The following CHAF1A variants were observed in gnomAD, a reference collection of about 807,000 sequenced individuals.
CHAF1A encodes the protein CAF-1 subunit A.
A neutral mutation model predicts 93.2 loss-of-function variants in CHAF1A; 5 were observed. The ratio of observed to expected loss-of-function variants is 0.05; its 90% confidence interval spans 0.03 to 0.11. The LOEUF (loss-of-function observed/expected upper bound fraction) is 0.11. Ranked by LOEUF, CHAF1A falls within the 10% of genes least tolerant of loss-of-function variation. CHAF1A has a pLI of 1.00. For synonymous variants in CHAF1A, 504 were observed against 510.3 expected, an observed-to-expected ratio of 0.99 and a Z score of 0.17; for missense variants, 1,102 against 1,259.9, an observed-to-expected ratio of 0.87 and a Z score of 1.90.
downstream of CHAF1A, chr19:4,446,321 A>G: frequency 1.9e-6 from 3 of 1,574,890 alleles, no homozygotes; most frequent in Non-Finnish European, 2.6e-6. Flanking sequence ...CACGCGCAGC[A>G]GCGTGTAGTT....
intron 13 of CHAF1A, among the ~76,000 whole-genome samples, chr19:4,441,017 C>T (rs1250106406): frequency 6.9e-6 from 1 of 144,998 alleles, no homozygotes; most frequent in African/African-American, 2.6e-5. Flanking sequence ...AAAAAAAAGG[C>T]ACAGCAAAAA....
At position 4,442,974 on chromosome 19, in the gene CHAF1A, G is replaced by T; in HGVS notation, c.2820G>T (p.Gly940=). ...CTTCCGGAGCTGGGGGTGGTGTGGG[G>T]GTGGACACCGGCAAGGCCACCCTGA... The part of the protein sequence containing the change: ...GAASGAGGGV[G]VDTGKATLTA... Residue 940 remains glycine (G), a synonymous_variant, in exon 15 of 15, where the codon GGG becomes GGT. Transcript: ENST00000301280. 1 of 1,604,818 alleles carries T rather than the reference G, an allele frequency of 6.2e-7. No homozygotes were observed. The highest frequency in any genetic ancestry group is 1.7e-4 in the Middle Eastern group (1 of 5,964).
chr19:4,446,533 G>A, downstream of CHAF1A: 2 of 1,611,914 alleles, frequency 1.2e-6, no homozygotes. Flanking sequence ...CTCCTCTGCT[G>A]TGAGGTTGAA....
At chr19:4,418,650 C>T (rs575510754) in intron 4 of CHAF1A, among the ~76,000 whole-genome samples, 6 of 152,122 alleles carry the variant, frequency 3.9e-5, no homozygotes, top group African/African-American at 7.2e-5. Flanking sequence ...CTCCTGACCT[C>T]GTGATCCGCC....
chr19:4,414,548 T>G (rs1973864623), intron 3 of CHAF1A, among the ~76,000 whole-genome samples: 1 of 152,226 alleles, frequency 6.6e-6, no homozygotes, highest in African/African-American at 2.4e-5. Context: ...AGTATCATTT[T>G]GTTTCCTTGT....
chr19:4,442,637 G>A (rs188870296), intron 14 of CHAF1A, among the ~76,000 whole-genome samples: 104 of 152,372 alleles, frequency 6.8e-4, no homozygotes, highest in African/African-American at 2.4e-3. Context: ...GGGAGGGCCA[G>A]GTGGATTTCT....
At chr19:4,409,837 A>G in intron 3 of CHAF1A, 78 bp downstream of exon 3, 1 of 1,504,180 alleles carries the variant, frequency 6.6e-7, no homozygotes, top group Non-Finnish European at 8.9e-7. Context: ...TGGGTCACCC[A>G]GGTGTTTTGT....
Position 4,422,473 on chromosome 19 carries a change from C to T in CHAF1A, c.1018-93C>T, listed in dbSNP as rs1354170014. On this transcript the variant is annotated intron_variant, in intron 4 of 14. Transcript: ENST00000301280. The surrounding 1 kb of genome is among the most constrained non-coding windows in gnomAD (Gnocchi z 4.6). ...CTTGGTCCCTCAATTCTGTTCATCCCGTCCAGGCCGTGCTGTCCTCCATGC... is the reference window on the plus strand; with the variant it reads ...CTTGGTCCCTCAATTCTGTTCATCCTGTCCAGGCCGTGCTGTCCTCCATGC... 4.4e-6 allele frequency: 5 copies of T among 1,135,762 alleles called. No individual in the cohort carries two copies. The highest frequency in any genetic ancestry group is 6.4e-6 in the Non-Finnish European group (5 of 785,394). The allele number at this position is 1,135,762 out of a possible 1,614,324, so 70.4% of individuals were successfully genotyped here.
downstream of CHAF1A, chr19:4,447,661 C>T (rs1974565301): frequency 6.2e-7 from 1 of 1,609,694 alleles, no homozygotes; most frequent in African/African-American, 1.3e-5. Flanking sequence ...GGGCACAGCC[C>T]AGGCTGCCCA....
intron 8 of CHAF1A, 34 bp downstream of exon 8, chr19:4,428,924 A>G: frequency 6.4e-7 from 1 of 1,567,862 alleles, no homozygotes; most frequent in Non-Finnish European, 8.8e-7. Flanking sequence ...TTCACCCACT[A>G]GTGATGCTGG....
At chr19:4,447,609 GGAT>G (rs935810591), downstream of CHAF1A, 11 of 1,613,808 alleles carry the variant, frequency 6.8e-6, no homozygotes, top group African/African-American at 1.3e-5. Flanking sequence ...GGGTGCAGGT[GGAT>G]GTTGTCCAGG....
Position 4,433,608 on chromosome 19 carries a change from G to C in CHAF1A, c.2673+69G>C. 7.8e-7 allele frequency: 1 copy of C among 1,281,802 alleles called. No homozygotes were observed. Among genetic ancestry groups the C allele is most frequent in the South Asian group, 1.6e-5 (1 of 63,880 alleles). 79.4% of individuals were successfully genotyped at this position (1,281,802 alleles called of 1,614,324 possible). On this transcript the variant is annotated intron_variant, in intron 13 of 14. Coordinates refer to ENST00000301280, the MANE Select transcript of CHAF1A (RefSeq NM_005483.3). The surrounding 1 kb of genome is among the most constrained non-coding windows in gnomAD (Gnocchi z 5.6). Reference sequence around the variant, plus strand: ...TTTTTTGTTTGTTTTTTGTTGTTTTGTTTTTTTTTCGAGATGGAGTCCTGC... The same window carrying C: ...TTTTTTGTTTGTTTTTTGTTGTTTTCTTTTTTTTTCGAGATGGAGTCCTGC...
chr19:4,443,003 C>A lies in CHAF1A; in HGVS notation c.2849C>A (p.Ala950Glu), dbSNP rs761958638. The A allele has an allele frequency of 6.3e-7, 1 of 1,595,752 alleles. No homozygotes were observed. Among genetic ancestry groups the A allele is most frequent in the South Asian group, 1.1e-5 (1 of 87,546 alleles). Residue 950 changes from alanine to glutamate, a missense_variant, in exon 15 of 15, where the codon GCG becomes GAG. Ala to Glu is a moderately radical substitution (Grantham distance 107). Coordinates refer to ENST00000301280, the MANE Select transcript of CHAF1A (RefSeq NM_005483.3). ...GVDTGKATLT[A>E]SPLGAS ...GACACCGGCAAGGCCACCCTGACCG[C>A]GAGCCCACTGGGTGCATCCTGAGAG...
chr19:4,423,505 C>T (rs1974027173), intron 6 of CHAF1A, 110 bp downstream of exon 6: 66 of 1,563,538 alleles, frequency 4.2e-5, no homozygotes, highest in Non-Finnish European at 5.6e-5. Flanking sequence ...TTTGGGGAAA[C>T]CAAATGGCGC....
chr19:4,428,876 A>G lies in CHAF1A; in HGVS notation c.1590A>G (p.Ala530=). 6.2e-7 allele frequency: 1 copy of G among 1,613,700 alleles called. No homozygotes were observed. Among genetic ancestry groups the G allele is most frequent in the Non-Finnish European group, 8.5e-7 (1 of 1,179,954 alleles). ...SGPTHVSTRN[A]DIFNSDVVIV... ...CCACGCACGTTTCCACCCGGAATGCAGATATTTTTAACAGGTCAGAGCCTG... is the reference window on the plus strand; with the variant it reads ...CCACGCACGTTTCCACCCGGAATGCGGATATTTTTAACAGGTCAGAGCCTG... Residue 530 remains alanine (A), a synonymous_variant, in exon 8 of 15, where the codon GCA becomes GCG. Coordinates refer to ENST00000301280, the MANE Select transcript of CHAF1A (RefSeq NM_005483.3).
downstream of CHAF1A, chr19:4,448,496 G>A (rs1974588150): frequency 3.4e-6 from 4 of 1,162,024 alleles, no homozygotes; most frequent in Non-Finnish European, 3.7e-6. Context: ...ACAGGGGCAG[G>A]AAAAGGAAGG....
At chr19:4,446,485 G>A (rs372079802), downstream of CHAF1A, 52 of 1,600,782 alleles carry the variant, frequency 3.2e-5, no homozygotes, top group Middle Eastern at 1.7e-4. Context: ...TCTGCTCCGC[G>A]GACGTCAGGC....
chr19:4,430,128 T>A lies in CHAF1A; in HGVS notation c.1854+340T>A, dbSNP rs941346639. On this transcript the variant is annotated intron_variant, in intron 10 of 14. Transcript: ENST00000301280. ...TGTGACCTAGTGGGCTTTCTGCCGA[T>A]GCTCACCGTGTCTGTCGGGAGGCCA... 5.8e-5 allele frequency: 21 copies of A among 359,588 alleles called. No homozygotes were observed. In the South Asian group the frequency reaches 6.3e-4, roughly 11 times the overall value. The allele number at this position is 359,588 out of a possible 1,614,324, so 22.3% of individuals were successfully genotyped here.
At position 4,422,545 on chromosome 19, in the gene CHAF1A, A is replaced by G; in HGVS notation, c.1018-21A>G. 1 of 1,554,674 alleles carries G rather than the reference A, an allele frequency of 6.4e-7. No homozygotes were observed. Among genetic ancestry groups the G allele is most frequent in the Non-Finnish European group, 8.7e-7 (1 of 1,148,290 alleles). On this transcript the variant is annotated intron_variant, in intron 4 of 14. Coordinates refer to ENST00000301280, the MANE Select transcript of CHAF1A (RefSeq NM_005483.3). This position sits in a 1 kb window ranked among gnomAD's most constrained non-coding sequence, Gnocchi z 4.6. Reference sequence around the variant, plus strand: ...GGAGTTGGAGGGAGGGCCACCTGTCACTTGCCACACTGTCTTGTAGGATCA... The same window carrying G: ...GGAGTTGGAGGGAGGGCCACCTGTCGCTTGCCACACTGTCTTGTAGGATCA...
Sources: gnomAD v4.1 joint callset for allele counts (sites outside exome capture counted in the v4.1 genomes callset) on GRCh38, gnomAD v4.1.1 for gene constraint, Gnocchi (gnomAD v3.1) non-coding constraint, MANE v1.5 for transcripts, NCBI Gene and HGNC (gene_info 2026-07-23, HGNC 2026-07-21) for gene names.